Variants in COL14A1 observed in about 807,000 individuals in gnomAD.
COL14A1 encodes the protein collagen alpha-1(XIV) chain.
A neutral mutation model predicts 230.3 loss-of-function variants in COL14A1; 136 were observed. The observed-to-expected ratio is 0.59, with a 90% CI of 0.51 to 0.68. COL14A1 has a LOEUF of 0.68. COL14A1 is among the 30% of genes least tolerant of loss of function. The pLI, the probability that COL14A1 is intolerant of heterozygous loss-of-function variation, is 0.00. For missense variants in COL14A1, 1,976 were observed against 2,215.8 expected (o/e 0.89, Z 2.17); for synonymous variants, 792 against 784.1 (o/e 1.01, Z -0.17).
At position 120,371,570 on chromosome 8, in the gene COL14A1, A is replaced by G. The variant is rs1195653335; in HGVS notation, c.*339A>G. 4 of 398,310 alleles carry G rather than the reference A, an allele frequency of 1.0e-5. No homozygotes were observed. The highest frequency in any genetic ancestry group is 1.8e-5 in the Non-Finnish European group (4 of 225,896). The allele number at this position is 398,310 out of a possible 1,614,324, so 24.7% of individuals were successfully genotyped here. ...TCTCTCTCAAGTCCTAAAATGAACA[A>G]ACAGATATGATTGTGTTTGAGGGAA... On this transcript the variant is annotated 3_prime_UTR_variant, in exon 48 of 48. Coordinates refer to ENST00000297848, the MANE Select transcript of COL14A1 (RefSeq NM_021110.4).
At chr8:120,142,985 C>T (rs958987015) in intron 1 of COL14A1, among the ~76,000 whole-genome samples, 5 of 152,120 alleles carry the variant, frequency 3.3e-5, no homozygotes, top group African/African-American at 4.8e-5. Flanking sequence ...TGAAAGTTTA[C>T]GTAACTATGC....
At chr8:120,337,020 A>G (rs1000368322) in intron 42 of COL14A1, among the ~76,000 whole-genome samples, 1 of 152,192 alleles carries the variant, frequency 6.6e-6, no homozygotes, top group African/African-American at 2.4e-5. Context: ...TAGAAATTCT[A>G]TCATATTCTT....
intron 2 of COL14A1, among the ~76,000 whole-genome samples, chr8:120,152,232 C>T (rs970551581): frequency 6.6e-6 from 1 of 151,838 alleles, no homozygotes; most frequent in Non-Finnish European, 1.5e-5. Context: ...GAGGCAGAGG[C>T]GGGCGGATCA....
At chr8:120,337,312 C>T (rs1474142960) in intron 42 of COL14A1, among the ~76,000 whole-genome samples, 1 of 150,792 alleles carries the variant, frequency 6.6e-6, no homozygotes, top group Non-Finnish European at 1.5e-5. Context: ...ACGAGAATCG[C>T]TTAAACCCGG....
At chr8:120,366,022 A>G (rs16893983) in intron 45 of COL14A1, among the ~76,000 whole-genome samples, 7,306 of 152,288 alleles carry the variant, frequency 0.048, 191 homozygotes, top group Non-Finnish European at 0.057. Flanking sequence ...AAAACAAAAA[A>G]CCAAAACCTG....
intron 2 of COL14A1, among the ~76,000 whole-genome samples, chr8:120,152,143 A>G (rs1038173437): frequency 1.3e-5 from 2 of 152,120 alleles, no homozygotes; most frequent in Non-Finnish European, 2.9e-5. Flanking sequence ...GAAATTTATT[A>G]TAGTAACGAT....
At chr8:120,168,065 T>A in intron 4 of COL14A1, 96 bp from the exon 5 acceptor site, 1 of 751,600 alleles carries the variant, frequency 1.3e-6, no homozygotes, top group Non-Finnish European at 2.1e-6. Context: ...TTTCTATAGA[T>A]ACTTTTAGGG....
chr8:120,282,481 C>A (rs2129913054), intron 31 of COL14A1, among the ~76,000 whole-genome samples: 1 of 152,230 alleles, frequency 6.6e-6, no homozygotes, highest in African/African-American at 2.4e-5. Context: ...GCTGATGTAT[C>A]TTAAATGTCT....
chr8:120,272,108 C>T lies in COL14A1; in HGVS notation c.3213+1934C>T, dbSNP rs188539537. Among the ~76,000 whole-genome samples, 4 of 151,678 alleles carry T rather than the reference C, an allele frequency of 2.6e-5. No individual in the cohort carries two copies. The East Asian group carries it at 7.8e-4, about 30-fold the overall frequency. ...AGGATAATGGATATTTTGCAGAAAC[C>T]TTACAAGACAGGAGAGATTAGGGTC... is the stretch of plus-strand genomic sequence containing the variant. On this transcript the variant is annotated intron_variant, in intron 26 of 47. Transcript: ENST00000297848.
chr8:120,200,710 CCTAT>C (rs1817208096), intron 8 of COL14A1, among the ~76,000 whole-genome samples: 1 of 76,934 alleles, frequency 1.3e-5, no homozygotes, highest in Non-Finnish European at 2.7e-5. Flanking sequence ...AAAAAGTTTT[CCTAT>C]TTATATATAT....
intron 2 of COL14A1, among the ~76,000 whole-genome samples, chr8:120,148,652 T>G (rs529175619): frequency 6.6e-6 from 1 of 152,340 alleles, no homozygotes; most frequent in East Asian, 1.9e-4. Flanking sequence ...TTCTATCATT[T>G]CATACCTGGT....
chr8:120,362,052 G>A (rs1205011233), intron 45 of COL14A1, among the ~76,000 whole-genome samples: 1 of 152,194 alleles, frequency 6.6e-6, no homozygotes, highest in Non-Finnish European at 1.5e-5. Flanking sequence ...GAGAGAGTGT[G>A]CAGACACATT....
chr8:120,212,362 T>C lies in COL14A1; in HGVS notation c.1468-86T>C, dbSNP rs1817636499. On this transcript the variant is annotated intron_variant, in intron 12 of 47. Coordinates refer to ENST00000297848, the MANE Select transcript of COL14A1 (RefSeq NM_021110.4). ...TAACAGGACGTAAAGTCTTATCCCA[T>C]GAAGTCTCACCTTTGTTCTGTTCCA... 8 of 1,390,364 alleles carry C rather than the reference T, an allele frequency of 5.8e-6. No individual in the cohort carries two copies. The Admixed American group carries it at 1.5e-4, about 26-fold the overall frequency. 86.1% of individuals were successfully genotyped at this position (1,390,364 alleles called of 1,614,324 possible). A position where few individuals can be genotyped will look rare whatever the true frequency, so the allele number is the denominator to read the frequency against.
rs371290503 is a variant in COL14A1 at position 120,243,908 on chromosome 8, C to T, written c.2379C>T (p.Leu793=). ...TVMVPGSQNN[L]LLKPLLPDTE... is the part of the protein sequence containing the mutation. Reference sequence around the variant, plus strand: ...TGGTGCCTGGAAGCCAGAACAACCTCCTTCTGAAGCCTCTGCTTCCTGATA... The same window carrying T: ...TGGTGCCTGGAAGCCAGAACAACCTTCTTCTGAAGCCTCTGCTTCCTGATA... Residue 793 remains leucine, a synonymous_variant, in exon 20 of 48, where the codon CTC becomes CTT. Transcript: ENST00000297848. The T allele has an allele frequency of 9.3e-6, 15 of 1,613,554 alleles. No homozygotes were observed. In the African/African-American group the frequency reaches 2.0e-4, roughly 22 times the overall value.
chr8:120,234,108 G>C (rs931404475), intron 19 of COL14A1, among the ~76,000 whole-genome samples: 1 of 93,874 alleles, frequency 1.1e-5, no homozygotes, highest in Non-Finnish European at 2.0e-5. Flanking sequence ...TCATGATTTG[G>C]CTCTCTGTCT....
chr8:120,354,414 A>G (rs1822903748), intron 45 of COL14A1, among the ~76,000 whole-genome samples: 1 of 149,666 alleles, frequency 6.7e-6, no homozygotes, highest in South Asian at 2.1e-4. Context: ...AAAAAAGAAA[A>G]ACACTATCCC....
chr8:120,342,399 C>T lies in COL14A1; in HGVS notation c.4841C>T (p.Ala1614Val). The T allele has an allele frequency of 6.2e-7, 1 of 1,613,950 alleles. No homozygotes were observed. Among genetic ancestry groups the T allele is most frequent in the Non-Finnish European group, 8.5e-7 (1 of 1,179,894 alleles). ...ATCCAGGGTGACCTGCAGTCTCAAG[C>T]CATGGTGAGATCAGTGGCGCGTCAA... is the stretch of plus-strand genomic sequence containing the variant. ...RGERGDLQSQAMVRSVARQVC... is the reference protein window; with the variant it reads ...RGERGDLQSQVMVRSVARQVC... Residue 1614 changes from alanine to valine, a missense_variant, in exon 44 of 48, where the codon GCC becomes GTC. Transcript: ENST00000297848.
chr8:120,303,797 A>G (rs1820784246), intron 36 of COL14A1, among the ~76,000 whole-genome samples: 1 of 152,160 alleles, frequency 6.6e-6, no homozygotes, highest in Admixed American at 6.5e-5. Flanking sequence ...TTTTTGGAAT[A>G]GTTTCAAAAG....
intron 5 of COL14A1, among the ~76,000 whole-genome samples, chr8:120,191,644 G>T (rs1352320959): frequency 6.6e-6 from 1 of 151,922 alleles, no homozygotes; most frequent in East Asian, 1.9e-4. Context: ...TGACAGTGGG[G>T]TGTTAAAGTC....
Sources: allele counts gnomAD v4.1 joint callset (sites outside exome capture counted in the v4.1 genomes callset), GRCh38; gene constraint gnomAD v4.1.1; transcripts MANE v1.5; gene names NCBI Gene and HGNC (gene_info 2026-07-23, HGNC 2026-07-21).